IL1RAPL1: variants seen among roughly 807,000 people sequenced by gnomAD.
The protein encoded by IL1RAPL1 is interleukin 1 receptor accessory protein like 1.
IL1RAPL1 carries 3 observed loss-of-function variants against 48.4 expected under a neutral mutation model. The ratio of observed to expected loss-of-function variants is 0.06; its 90% CI spans 0.03 to 0.16. The LOEUF (loss-of-function observed/expected upper bound fraction) is 0.16, where lower values mean the gene tolerates loss of function less well. Ranked by LOEUF, IL1RAPL1 falls within the 10% of genes least tolerant of loss-of-function variation. IL1RAPL1 has a pLI of 1.00. For synonymous variants in IL1RAPL1, 185 were observed against 187.7 expected, an observed-to-expected ratio of 0.99 and a Z score of 0.12; for missense variants, 349 against 530.6, an observed-to-expected ratio of 0.66 and a Z score of 3.36.
intron 5 of IL1RAPL1, among the ~76,000 whole-genome samples, chrX:29,473,088 G>T (rs1192552607): frequency 9.0e-6 from 1 of 111,408 alleles, no homozygotes; most frequent in East Asian, 2.8e-4. Flanking sequence ...GTGTTGGTGG[G>T]GTTGGTTCTT....
At chrX:29,070,831 G>A (rs1927551356) in intron 2 of IL1RAPL1, among the ~76,000 whole-genome samples, 1 of 111,546 alleles carries the variant, frequency 9.0e-6, no homozygotes, top group Non-Finnish European at 1.9e-5. Flanking sequence ...GAAAAAAAGT[G>A]TTTCAAAATA....
intron 2 of IL1RAPL1, among the ~76,000 whole-genome samples, chrX:28,966,050 G>A (rs1401883325): frequency 2.7e-5 from 3 of 111,554 alleles, no homozygotes; most frequent in Non-Finnish European, 5.7e-5. Context: ...TAATTAAGGT[G>A]CGTTACCTTA....
chrX:29,337,323 C>G (rs574716026), intron 3 of IL1RAPL1, among the ~76,000 whole-genome samples: 1 of 111,897 alleles, frequency 8.9e-6, no homozygotes, highest in African/African-American at 3.2e-5. Context: ...AAATTTTAAG[C>G]TGACTGTGGA....
chrX:29,794,333 T>C (rs930365567), intron 6 of IL1RAPL1, among the ~76,000 whole-genome samples: 6 of 112,010 alleles, frequency 5.4e-5, no homozygotes, highest in African/African-American at 1.9e-4. Context: ...TCCAAATAGA[T>C]GTTTTAAATG....
chrX:29,169,036 T>C (rs768524444), intron 2 of IL1RAPL1, among the ~76,000 whole-genome samples: 1 of 106,817 alleles, frequency 9.4e-6, no homozygotes, highest in East Asian at 2.9e-4. Context: ...TTAATAAATG[T>C]GATATATATC....
At chrX:29,330,380 C>G (rs993986707) in intron 3 of IL1RAPL1, among the ~76,000 whole-genome samples, 1 of 111,426 alleles carries the variant, frequency 9.0e-6, no homozygotes, top group Non-Finnish European at 1.9e-5. Flanking sequence ...TGTGCCCCTT[C>G]CCCGGTTTAG....
intron 6 of IL1RAPL1, among the ~76,000 whole-genome samples, chrX:29,894,030 G>A (rs1932325689): frequency 8.9e-6 from 1 of 112,030 alleles, no homozygotes; most frequent in Admixed American, 9.5e-5. Flanking sequence ...TCCAGTTACG[G>A]TGATAATTTT....
intron 2 of IL1RAPL1, among the ~76,000 whole-genome samples, chrX:29,028,031 A>G (rs1926526440): frequency 9.1e-6 from 1 of 109,729 alleles, no homozygotes; most frequent in Non-Finnish European, 1.9e-5. Flanking sequence ...TCAAATATGT[A>G]TCCATAGTGG....
At chrX:29,009,513 G>A (rs967858295) in intron 2 of IL1RAPL1, among the ~76,000 whole-genome samples, 2 of 111,904 alleles carry the variant, frequency 1.8e-5, no homozygotes, top group African/African-American at 6.5e-5. Context: ...TTGGTTGAAT[G>A]GGGGTCCTTT....
chrX:28,615,197 C>CTGTTTTTTTTTT (rs1569138741), intron 1 of IL1RAPL1, among the ~76,000 whole-genome samples: 6 of 32,996 alleles, frequency 1.8e-4, no homozygotes, highest in Admixed American at 4.8e-4. Context: ...CAACTGTTGT[C>CTGTTTTTTTTTT]TGTTTTTTTT....
At chrX:29,040,332 C>G (rs1926819432) in intron 2 of IL1RAPL1, among the ~76,000 whole-genome samples, 1 of 112,148 alleles carries the variant, frequency 8.9e-6, no homozygotes, top group African/African-American at 3.2e-5. Flanking sequence ...CCTCTGGACC[C>G]AAAAGAGTCC....
At chrX:29,067,272 T>C (rs1927471267) in intron 2 of IL1RAPL1, among the ~76,000 whole-genome samples, 1 of 111,619 alleles carries the variant, frequency 9.0e-6, no homozygotes, top group African/African-American at 3.3e-5. Context: ...CACTGTACGT[T>C]TCATGATACT....
chrX:29,594,460 T>C (rs1923479070), intron 5 of IL1RAPL1, among the ~76,000 whole-genome samples: 1 of 111,633 alleles, frequency 9.0e-6, no homozygotes, highest in Admixed American at 9.6e-5. Context: ...CTTGCTTATA[T>C]AAATAAAAAT....
rs768947916 is a variant in IL1RAPL1 at position 29,887,895 on chromosome X, C to T, written c.779-29569C>T. Among the ~76,000 whole-genome samples, 4 of 110,909 alleles carry T rather than the reference C, an allele frequency of 3.6e-5. No homozygotes were observed. The South Asian group carries it at 1.1e-3, about 32-fold the overall frequency. On this transcript the variant is annotated intron_variant, in intron 6 of 10. Coordinates refer to ENST00000378993, the MANE Select transcript of IL1RAPL1 (RefSeq NM_014271.4). ...TCAGAGAAGGAGAAAAGGGCTTTAT[C>T]GTGAAGAAAAATGACTGATGGAGCT...
intron 6 of IL1RAPL1, among the ~76,000 whole-genome samples, chrX:29,899,819 C>T (rs1170192092): frequency 9.0e-6 from 1 of 111,677 alleles, no homozygotes; most frequent in East Asian, 2.8e-4. Context: ...GCTGGGATTA[C>T]AGGCGTGAGC....
chrX:29,381,525 A>AAAAAAAAAAAAAAC (rs1569298983), intron 3 of IL1RAPL1, among the ~76,000 whole-genome samples: 2 of 95,912 alleles, frequency 2.1e-5, no homozygotes, highest in Admixed American at 1.2e-4. Flanking sequence ...AAAAAAAAAA[A>AAAAAAAAAAAAAAC]AAAACTTAGC....
chrX:29,878,674 T>C (rs955383643), intron 6 of IL1RAPL1, among the ~76,000 whole-genome samples: 1 of 111,928 alleles, frequency 8.9e-6, no homozygotes, highest in African/African-American at 3.2e-5. Context: ...AAAGGAAATA[T>C]TTTTCTCTTG....
At chrX:29,368,472 C>T (rs1166636534) in intron 3 of IL1RAPL1, among the ~76,000 whole-genome samples, 1 of 112,018 alleles carries the variant, frequency 8.9e-6, no homozygotes, top group Non-Finnish European at 1.9e-5. Flanking sequence ...GCCTCCACCT[C>T]GCGGGCTCAA....
chrX:29,667,714 T>C (rs190618222), intron 5 of IL1RAPL1, among the ~76,000 whole-genome samples: 2 of 112,200 alleles, frequency 1.8e-5, no homozygotes, highest in African/African-American at 6.5e-5. Flanking sequence ...GGGCTGATAA[T>C]TGAAGTTGAC....
Sources: gnomAD v4.1 joint callset for allele counts (sites outside exome capture counted in the v4.1 genomes callset) on GRCh38, gnomAD v4.1.1 for gene constraint, MANE v1.5 for transcripts, NCBI Gene and HGNC (gene_info 2026-07-23, HGNC 2026-07-21) for gene names.